Variants in AKT3 observed in about 807,000 individuals in gnomAD.
AKT3 encodes AKT serine/threonine kinase 3.
Under a neutral mutation model 65.3 loss-of-function variants are expected in AKT3, and 15 were observed. The ratio of observed to expected loss-of-function variants is 0.23; its 90% CI spans 0.15 to 0.35. AKT3 has a LOEUF of 0.35. Among genes scored for constraint, AKT3 ranks in the 10% least tolerant of loss-of-function variants. The pLI, the probability that AKT3 is intolerant of heterozygous loss-of-function variation, is 1.00. For synonymous variants in AKT3, 206 were observed against 183.8 expected, an observed-to-expected ratio of 1.12 and a Z score of -0.98; for missense variants, 243 against 576.5, an observed-to-expected ratio of 0.42 and a Z score of 5.92.
At chr1:243,747,139 G>T (rs1022953933) in intron 2 of AKT3, among the ~76,000 whole-genome samples, 5 of 152,138 alleles carry the variant, frequency 3.3e-5, no homozygotes, top group Admixed American at 2.0e-4. Flanking sequence ...GGCCTTTGGG[G>T]ATTAGAGATA....
At chr1:243,823,893 A>G (rs983177506) in intron 2 of AKT3, among the ~76,000 whole-genome samples, 1 of 152,188 alleles carries the variant, frequency 6.6e-6, no homozygotes, top group South Asian at 2.1e-4. Flanking sequence ...TCCTCACATA[A>G]TAAGAAAAAA....
chr1:243,654,119 T>A (rs1039853770), intron 4 of AKT3, among the ~76,000 whole-genome samples: 7 of 152,122 alleles, frequency 4.6e-5, no homozygotes, highest in African/African-American at 1.4e-4. Flanking sequence ...ATTAGCCTGG[T>A]AGCCATCATA....
chr1:243,850,287 G>A (rs1385583378), upstream of AKT3, among the ~76,000 whole-genome samples: 5 of 144,866 alleles, frequency 3.5e-5, no homozygotes, highest in Admixed American at 2.7e-4. Context: ...CCGCGGAGCT[G>A]GAGCGGGAGG....
chr1:243,639,505 G>A (rs1216160005), intron 5 of AKT3, among the ~76,000 whole-genome samples: 2 of 152,154 alleles, frequency 1.3e-5, no homozygotes, highest in Non-Finnish European at 2.9e-5. Flanking sequence ...CCAAAACCAA[G>A]ATGGTGATGA....
At chr1:243,744,462 G>A (rs546606835) in intron 2 of AKT3, among the ~76,000 whole-genome samples, 14 of 152,134 alleles carry the variant, frequency 9.2e-5, no homozygotes, top group Non-Finnish European at 1.8e-4. Flanking sequence ...ATTATTGGCC[G>A]GGCGCGGTGG....
rs567172441 is a variant in AKT3, at chr1:243,620,841, T to C, written c.562-5680A>G. On this transcript the variant is annotated intron_variant, in intron 6 of 13. Coordinates refer to ENST00000673466, the MANE Select transcript of AKT3 (RefSeq NM_005465.7). ...TTCCTTAGATGAAGGCCAAATGAAC[T>C]CCTTTGACTTCCATCATGATATAAT... Among the ~76,000 whole-genome samples, 23 of 152,302 alleles carry C rather than the reference T, an allele frequency of 1.5e-4. No homozygotes were observed. In the South Asian group the frequency reaches 4.8e-3, roughly 32 times the overall value.
chr1:243,696,218 C>A (rs1412212681), intron 2 of AKT3, among the ~76,000 whole-genome samples: 1 of 151,162 alleles, frequency 6.6e-6, no homozygotes, highest in Non-Finnish European at 1.5e-5. Context: ...GTTTAAGCAA[C>A]ATTTTATTGT....
intron 6 of AKT3, among the ~76,000 whole-genome samples, chr1:243,627,596 G>A (rs981239194): frequency 6.6e-6 from 1 of 152,144 alleles, no homozygotes; most frequent in Admixed American, 6.5e-5. Context: ...CTAAGAACAA[G>A]CTAGGGCTAA....
At chr1:243,744,635 AG>A (rs1366008608) in intron 2 of AKT3, among the ~76,000 whole-genome samples, 1 of 148,186 alleles carries the variant, frequency 6.7e-6, no homozygotes, top group Non-Finnish European at 1.5e-5. Context: ...GCTACTTGGG[AG>A]GCTGAGGCAG....
At chr1:243,785,490 A>T (rs925157802) in intron 2 of AKT3, among the ~76,000 whole-genome samples, 5 of 152,194 alleles carry the variant, frequency 3.3e-5, no homozygotes, top group Admixed American at 6.5e-5. Context: ...TTAGAACTAA[A>T]GTTTCAGCTT....
chr1:243,504,739 G>A lies in AKT3; in HGVS notation c.*510C>T, dbSNP rs971414870. Reference sequence around the variant, plus strand: ...AGTGATATATGCCTACTTCACGCACGGATCTGATGTGCTTTACATATGCAC... The same window carrying A: ...AGTGATATATGCCTACTTCACGCACAGATCTGATGTGCTTTACATATGCAC... On this transcript the variant is annotated 3_prime_UTR_variant, in exon 14 of 14. Coordinates refer to ENST00000673466, the MANE Select transcript of AKT3 (RefSeq NM_005465.7). The A allele has an allele frequency of 4.8e-5, 9 of 185,940 alleles. No individual in the cohort carries two copies. The highest frequency in any genetic ancestry group is 3.5e-4 in the East Asian group (4 of 11,474). 11.5% of individuals were successfully genotyped at this position (185,940 alleles called of 1,614,324 possible).
At chr1:243,607,719 G>T (rs1024488330) in intron 8 of AKT3, among the ~76,000 whole-genome samples, 2 of 152,104 alleles carry the variant, frequency 1.3e-5, no homozygotes, top group Non-Finnish European at 1.5e-5. Flanking sequence ...TTTGGGAGGG[G>T]CCAGGAGCAG....
intron 8 of AKT3, among the ~76,000 whole-genome samples, chr1:243,586,966 G>T (rs1367111445): frequency 1.3e-5 from 2 of 151,912 alleles, no homozygotes; most frequent in Non-Finnish European, 2.9e-5. Flanking sequence ...GAAATAAAAT[G>T]GAGTATTTAT....
chr1:243,736,099 TA>T, intron 2 of AKT3, among the ~76,000 whole-genome samples: 1 of 152,270 alleles, frequency 6.6e-6, no homozygotes, highest in South Asian at 2.1e-4. Context: ...GGGTAAAAAG[TA>T]TATGCTTTGT....
At chr1:243,699,509 AT>A (rs1685300079) in intron 2 of AKT3, among the ~76,000 whole-genome samples, 3 of 100,824 alleles carry the variant, frequency 3.0e-5, no homozygotes, top group African/African-American at 1.2e-4. Context: ...ATATATATAT[AT>A]ATAATCTTCA....
chr1:243,608,743 C>CTTTTT (rs566574203), intron 8 of AKT3, among the ~76,000 whole-genome samples: 4 of 70,806 alleles, frequency 5.6e-5, no homozygotes, highest in African/African-American at 2.0e-4. Flanking sequence ...AAGTTTTTTG[C>CTTTTT]TTTTTTTTTT....
chr1:243,585,327 C>T (rs2125233), intron 8 of AKT3, among the ~76,000 whole-genome samples: 78,881 of 151,764 alleles, frequency 0.52, 23,960 homozygotes, highest in Non-Finnish European at 0.68. Context: ...AAGCAATCTA[C>T]AGATTCAAGG....
intron 2 of AKT3, among the ~76,000 whole-genome samples, chr1:243,806,333 G>T (rs1484050485): frequency 6.6e-6 from 1 of 151,672 alleles, no homozygotes; most frequent in African/African-American, 2.4e-5. Flanking sequence ...AACATGATAG[G>T]CATGTACTTG....
chr1:243,766,858 T>C (rs1423669557), intron 2 of AKT3, among the ~76,000 whole-genome samples: 3 of 152,248 alleles, frequency 2.0e-5, no homozygotes, highest in South Asian at 4.1e-4. Flanking sequence ...AGGTAGAAGA[T>C]ATGAATGTTT....
Sources: gnomAD v4.1 joint callset for allele counts (sites outside exome capture counted in the v4.1 genomes callset) on GRCh38, gnomAD v4.1.1 for gene constraint, MANE v1.5 for transcripts, NCBI Gene and HGNC (gene_info 2026-07-23, HGNC 2026-07-21) for gene names.